MON2: variants seen among roughly 807,000 people sequenced by gnomAD.
MON2 encodes MON2 regulator of endosome-to-Golgi trafficking.
MON2 carries 84 observed loss-of-function variants against 208.6 expected under a neutral mutation model. The observed-to-expected ratio is 0.40, with a 90% CI of 0.34 to 0.48. The LOEUF is 0.48. MON2 is among the 20% of genes least tolerant of loss of function. The pLI is 0.59. For missense variants in MON2, 1,611 were observed against 2,015.4 expected, an observed-to-expected ratio of 0.80 and a Z score of 3.84; for synonymous variants, 660 against 694.0, an observed-to-expected ratio of 0.95 and a Z score of 0.77.
rs753897726 is a variant in MON2 at position 62,560,852 on chromosome 12, T to G, written c.3771T>G (p.Pro1257=). The G allele has an allele frequency of 6.8e-6, 11 of 1,613,968 alleles. No individual in the cohort carries two copies. In the African/African-American group the frequency reaches 1.1e-4, roughly 16 times the overall value. The change falls in exon 26 of 35, where the codon CCT becomes CCG. Residue 1257 remains proline (P), a synonymous_variant. Coordinates refer to ENST00000393630, the MANE Select transcript of MON2 (RefSeq NM_015026.3). ...WYRIGSESTK[P]PITFDKLTFI... is the part of the protein sequence containing the mutation. ...GAATTGGATCTGAAAGTACTAAGCC[T>G]CCTATTACTTTTGATAAACTAACTT...
intron 24 of MON2, 179 bp downstream of exon 24, chr12:62,553,353 A>G (rs2073829662): frequency 3.7e-6 from 2 of 538,830 alleles, no homozygotes; most frequent in South Asian, 6.6e-5. Flanking sequence ...CAAATTAAAT[A>G]TTAACAGCCT....
chr12:62,537,350 A>G, intron 15 of MON2, 87 bp downstream of exon 15: 1 of 915,344 alleles, frequency 1.1e-6, no homozygotes, highest in Non-Finnish European at 1.7e-6. Context: ...AATGTGTCAT[A>G]CATTTATTTA....
rs770155806 is a variant in MON2 at position 62,501,544 on chromosome 12, A to G, written c.664-29A>G. The G allele has an allele frequency of 5.0e-6, 8 of 1,609,586 alleles. No homozygotes were observed. In the South Asian group the frequency reaches 5.5e-5, roughly 11 times the overall value. Reference sequence around the variant, plus strand: ...TTGGAAAAGCACATTTAATTCTAGCATGTGAAATTGTTCGATTTATTTTCC... The same window carrying G: ...TTGGAAAAGCACATTTAATTCTAGCGTGTGAAATTGTTCGATTTATTTTCC... On this transcript the variant is annotated intron_variant, in intron 6 of 34. Coordinates refer to ENST00000393630, the MANE Select transcript of MON2 (RefSeq NM_015026.3).
chr12:62,506,235 A>G (rs535382368), intron 7 of MON2, among the ~76,000 whole-genome samples: 1 of 152,338 alleles, frequency 6.6e-6, no homozygotes, highest in South Asian at 2.1e-4. Flanking sequence ...GTGAGAGTAT[A>G]ATTTCAAATC....
chr12:62,498,220 A>C (rs951018991), intron 4 of MON2, among the ~76,000 whole-genome samples: 1 of 152,214 alleles, frequency 6.6e-6, no homozygotes, highest in Non-Finnish European at 1.5e-5. Context: ...TAAGTGGAAG[A>C]AGGTGGGCCC....
chr12:62,555,183 AT>A (rs528053290), intron 24 of MON2, among the ~76,000 whole-genome samples: 14 of 149,398 alleles, frequency 9.4e-5, no homozygotes, highest in Middle Eastern at 3.4e-3. Flanking sequence ...ATTTAATTTA[AT>A]TTTTTTTTTG....
chr12:62,579,703 G>A (rs957921262), intron 31 of MON2, among the ~76,000 whole-genome samples: 10 of 152,180 alleles, frequency 6.6e-5, no homozygotes, highest in African/African-American at 1.9e-4. Flanking sequence ...TGCAGCCTGG[G>A]TGACAGAGCA....
chr12:62,554,899 A>C (rs1487740931), intron 24 of MON2, among the ~76,000 whole-genome samples: 1 of 151,972 alleles, frequency 6.6e-6, no homozygotes, highest in Non-Finnish European at 1.5e-5. Flanking sequence ...GATTCACACC[A>C]TTCTCCTGCC....
chr12:62,520,701 G>A (rs934513228), intron 8 of MON2, among the ~76,000 whole-genome samples: 3 of 151,718 alleles, frequency 2.0e-5, no homozygotes, highest in South Asian at 4.2e-4. Context: ...TTAGGAGACC[G>A]ATCACCTGAG....
chr12:62,543,796 C>T (rs1322345624), intron 20 of MON2, among the ~76,000 whole-genome samples: 3 of 152,000 alleles, frequency 2.0e-5, no homozygotes, highest in East Asian at 3.9e-4. Context: ...GTAGTAGAGA[C>T]GGGGTTTAAC....
Position 62,525,195 on chromosome 12 carries a change from A to T in MON2, c.1221A>T (p.Gly407=). Residue 407 remains glycine (G), a synonymous_variant, in exon 10 of 35, where the codon GGA becomes GGT. Coordinates refer to ENST00000393630, the MANE Select transcript of MON2 (RefSeq NM_015026.3). ...CCTTGTTTCTTGTCCCCCCTACTGG[A>T]AATCCTGCAACAAGCAACCAAGCTG... is the stretch of plus-strand genomic sequence containing the variant. ...IQSLFLVPPT[G]NPATSNQAGN... 1 of 1,613,390 alleles carries T rather than the reference A, an allele frequency of 6.2e-7. No individual in the cohort carries two copies. The highest frequency in any genetic ancestry group is 8.5e-7 in the Non-Finnish European group (1 of 1,179,574).
chr12:62,542,410 C>T (rs1401361464), intron 19 of MON2, among the ~76,000 whole-genome samples: 1 of 152,164 alleles, frequency 6.6e-6, no homozygotes, highest in Non-Finnish European at 1.5e-5. Context: ...AAATACCACG[C>T]CATCCACTCA....
rs376675399 is a variant in MON2, at chr12:62,519,680, T to C, written c.985-4835T>C. 2.4e-3 allele frequency among the ~76,000 whole-genome samples: 373 copies of C among 152,372 alleles called. 2 individuals carry two copies. Among genetic ancestry groups the C allele is most frequent in the African/African-American group, 8.4e-3 (350 of 41,584 alleles). ...TTTGTCTTCATTCTGTTGTGATTTTTTTTGGGTTGACACATAACGATGAAA... is the reference window on the plus strand; with the variant it reads ...TTTGTCTTCATTCTGTTGTGATTTTCTTTGGGTTGACACATAACGATGAAA... On this transcript the variant is annotated intron_variant, in intron 8 of 34. Transcript: ENST00000393630.
At chr12:62,508,578 G>A in intron 8 of MON2, 98 bp downstream of exon 8, 1 of 1,099,366 alleles carries the variant, frequency 9.1e-7, no homozygotes, top group Non-Finnish European at 1.4e-6. Context: ...TTTCAATTCA[G>A]TTCAACAGAA....
chr12:62,485,319 CT>C (rs1431413942), intron 2 of MON2, among the ~76,000 whole-genome samples: 4 of 152,218 alleles, frequency 2.6e-5, no homozygotes, highest in Non-Finnish European at 2.9e-5. Flanking sequence ...AGTAAATAAT[CT>C]CTTTAACTTT....
intron 29 of MON2, 47 bp downstream of exon 29, chr12:62,566,497 A>G (rs752224949): frequency 2.0e-6 from 3 of 1,524,642 alleles, no homozygotes; most frequent in Non-Finnish European, 2.7e-6. Context: ...TGTGAACATT[A>G]TTGAAATTAT....
chr12:62,571,600 T>A lies in MON2; in HGVS notation c.4514+18T>A. On this transcript the variant is annotated intron_variant, in intron 30 of 34. Coordinates refer to ENST00000393630, the MANE Select transcript of MON2 (RefSeq NM_015026.3). ...ACTAAAAGGTCAGCTCATTCATTTTTAAAATTAAGACAAGAAGTGGCACAT... is the reference window on the plus strand; with the variant it reads ...ACTAAAAGGTCAGCTCATTCATTTTAAAAATTAAGACAAGAAGTGGCACAT... 1 of 1,581,460 alleles carries A rather than the reference T, an allele frequency of 6.3e-7. No homozygotes were observed. The highest frequency in any genetic ancestry group is 1.2e-5 in the South Asian group (1 of 86,432).
chr12:62,469,843 G>A (rs1051681563), intron 1 of MON2, among the ~76,000 whole-genome samples: 5 of 150,972 alleles, frequency 3.3e-5, no homozygotes, highest in Admixed American at 2.0e-4. Flanking sequence ...CAAATTTTTA[G>A]TCATTTCTGT....
chr12:62,486,330 C>T (rs981206582), intron 2 of MON2, among the ~76,000 whole-genome samples: 4 of 148,162 alleles, frequency 2.7e-5, no homozygotes, highest in Non-Finnish European at 6.1e-5. Flanking sequence ...TAATAAATTA[C>T]TCTTAAGATG....
Sources: gnomAD v4.1 joint callset for allele counts (sites outside exome capture counted in the v4.1 genomes callset) on GRCh38, gnomAD v4.1.1 for gene constraint, MANE v1.5 for transcripts, NCBI Gene and HGNC (gene_info 2026-07-23, HGNC 2026-07-21) for gene names.